Variants in CTNND2 observed in about 807,000 individuals in gnomAD.
The protein encoded by CTNND2 is catenin delta-2.
A neutral mutation model predicts 144.4 loss-of-function variants in CTNND2; 22 were observed. The ratio of observed to expected loss-of-function variants is 0.15; its 90% CI spans 0.11 to 0.22. The LOEUF is 0.22. Among genes scored for constraint, CTNND2 ranks in the 10% least tolerant of loss-of-function variants. The pLI, the probability that CTNND2 is intolerant of heterozygous loss-of-function variation, is 1.00. For synonymous variants in CTNND2, 751 were observed against 695.6 expected, an observed-to-expected ratio of 1.08 and a Z score of -1.25; for missense variants, 1,353 against 1,618.8, an observed-to-expected ratio of 0.84 and a Z score of 2.82.
chr5:11,809,548 A>G (rs1792202933), intron 1 of CTNND2, among the ~76,000 whole-genome samples: 1 of 152,228 alleles, frequency 6.6e-6, no homozygotes, highest in Non-Finnish European at 1.5e-5. Context: ...GTGGAAATTC[A>G]TATGTCATTG....
At chr5:11,556,076 T>C (rs1040549140) in intron 3 of CTNND2, among the ~76,000 whole-genome samples, 2 of 152,120 alleles carry the variant, frequency 1.3e-5, no homozygotes, top group Non-Finnish European at 2.9e-5. Flanking sequence ...TCATGAGAAA[T>C]GGTTTTTTTC....
chr5:11,585,769 T>C (rs1380245858), intron 2 of CTNND2, among the ~76,000 whole-genome samples: 1 of 146,680 alleles, frequency 6.8e-6, no homozygotes, highest in Non-Finnish European at 1.5e-5. Context: ...AAGAACAGCG[T>C]CATTGACAAG....
intron 3 of CTNND2, among the ~76,000 whole-genome samples, chr5:11,510,626 C>T (rs1300405755): frequency 6.6e-6 from 1 of 152,136 alleles, no homozygotes; most frequent in Non-Finnish European, 1.5e-5. Context: ...AAAGCAAACA[C>T]ACTCAAATTT....
intron 11 of CTNND2, among the ~76,000 whole-genome samples, chr5:11,171,913 C>G (rs188386053): frequency 1.3e-5 from 2 of 152,040 alleles, no homozygotes; most frequent in Admixed American, 6.6e-5. Context: ...TCCTAAAGAC[C>G]GTGGGCCTAA....
chr5:11,089,707 T>C lies in CTNND2; in HGVS notation c.2638-6861A>G, dbSNP rs373422207. Among the ~76,000 whole-genome samples, 6 of 152,292 alleles carry C rather than the reference T, an allele frequency of 3.9e-5. No homozygotes were observed. In the South Asian group the frequency reaches 1.2e-3, roughly 32 times the overall value. On this transcript the variant is annotated intron_variant, in intron 15 of 21. Transcript: ENST00000304623. Reference sequence around the variant, plus strand: ...CTAACCACTTCCACAAAACGACTGCTAGGGTTTAAAATGGTTACACAGCTG... The same window carrying C: ...CTAACCACTTCCACAAAACGACTGCCAGGGTTTAAAATGGTTACACAGCTG...
rs61761581 is a variant in CTNND2 at position 11,822,101 on chromosome 5, G to T, written c.37+81716C>A. On this transcript the variant is annotated intron_variant, in intron 1 of 21. Transcript: ENST00000304623. Reference sequence around the variant, plus strand: ...TTATTTTTATTATATTAGGTAAATTGTAAAAACTATCAAATATAATGTCAA... The same window carrying T: ...TTATTTTTATTATATTAGGTAAATTTTAAAAACTATCAAATATAATGTCAA... Among the ~76,000 whole-genome samples the T allele has an allele frequency of 2.6e-4, 40 of 152,164 alleles. No homozygotes were observed. In the East Asian group the frequency reaches 6.6e-3, roughly 25 times the overall value.
intron 1 of CTNND2, among the ~76,000 whole-genome samples, chr5:11,865,502 A>T (rs1795718772): frequency 6.6e-6 from 1 of 152,202 alleles, no homozygotes; most frequent in African/African-American, 2.4e-5. Flanking sequence ...TTAACTAAAT[A>T]AACTCTTGAT....
At chr5:11,553,545 C>T (rs1775958184) in intron 3 of CTNND2, among the ~76,000 whole-genome samples, 3 of 152,014 alleles carry the variant, frequency 2.0e-5, no homozygotes. Flanking sequence ...GAGCATTATC[C>T]CCATTTTTAT....
intron 3 of CTNND2, among the ~76,000 whole-genome samples, chr5:11,552,393 G>T (rs1026126976): frequency 3.9e-5 from 6 of 151,906 alleles, no homozygotes; most frequent in Admixed American, 3.9e-4. Context: ...TGACCTAACA[G>T]GAGATTTCTA....
chr5:11,802,386 G>A (rs1189134105), intron 1 of CTNND2, among the ~76,000 whole-genome samples: 1 of 151,882 alleles, frequency 6.6e-6, no homozygotes, highest in African/African-American at 2.4e-5. Flanking sequence ...TGACCAACAG[G>A]GAGAAACCCC....
intron 17 of CTNND2, among the ~76,000 whole-genome samples, chr5:11,020,791 G>C (rs1309890403): frequency 6.6e-6 from 1 of 151,112 alleles, no homozygotes; most frequent in Admixed American, 6.6e-5. Flanking sequence ...CTAAGCAGGA[G>C]AACTGTAACC....
At chr5:11,211,998 A>G (rs1179901875) in intron 10 of CTNND2, among the ~76,000 whole-genome samples, 1 of 152,222 alleles carries the variant, frequency 6.6e-6, no homozygotes, top group Non-Finnish European at 1.5e-5. Flanking sequence ...TAAAAATTGT[A>G]TAGAATATAA....
intron 2 of CTNND2, among the ~76,000 whole-genome samples, chr5:11,578,191 G>A (rs1778110418): frequency 6.6e-6 from 1 of 152,166 alleles, no homozygotes; most frequent in South Asian, 2.1e-4. Context: ...TGAGGGGACT[G>A]AGGTTACCAT....
intron 2 of CTNND2, among the ~76,000 whole-genome samples, chr5:11,573,411 T>G (rs1035671981): frequency 1.3e-5 from 2 of 152,102 alleles, no homozygotes; most frequent in African/African-American, 4.8e-5. Context: ...ATGAGTTGAC[T>G]CTACAGCCAC....
chr5:11,403,006 T>C (rs1220739030), intron 5 of CTNND2, among the ~76,000 whole-genome samples: 2 of 152,236 alleles, frequency 1.3e-5, no homozygotes, highest in African/African-American at 4.8e-5. Context: ...ATGTTTGCAC[T>C]ACACAGTAAG....
chr5:11,682,117 T>C (rs1247096693), intron 2 of CTNND2, among the ~76,000 whole-genome samples: 4 of 152,246 alleles, frequency 2.6e-5, no homozygotes, highest in Non-Finnish European at 5.9e-5. Flanking sequence ...TGCAGAGTCA[T>C]AGAGCATTTG....
At chr5:11,186,983 C>T (rs32278) in intron 11 of CTNND2, among the ~76,000 whole-genome samples, 2 of 151,988 alleles carry the variant, frequency 1.3e-5, no homozygotes, top group South Asian at 2.1e-4. Flanking sequence ...TGTGGGTGTT[C>T]GTAAATGTAT....
intron 3 of CTNND2, among the ~76,000 whole-genome samples, chr5:11,546,504 A>C (rs988346880): frequency 7.2e-5 from 11 of 152,204 alleles, no homozygotes; most frequent in African/African-American, 2.7e-4. Flanking sequence ...ACAAATTACT[A>C]GAGGTAATTA....
rs147939463 is a variant in CTNND2 at position 11,539,851 on chromosome 5, T to C, written c.287+25093A>G. Among the ~76,000 whole-genome samples the C allele has an allele frequency of 2.2e-3, 330 of 152,236 alleles. 9 individuals are homozygous for C. The East Asian group carries it at 0.048, about 22-fold the overall frequency. ...GAGTTCAAGACCAGCCTGGCCAACATGGCAAAACCCCGTCTCTGCTAAATA... is the reference window on the plus strand; with the variant it reads ...GAGTTCAAGACCAGCCTGGCCAACACGGCAAAACCCCGTCTCTGCTAAATA... On this transcript the variant is annotated intron_variant, in intron 3 of 21. Coordinates refer to ENST00000304623, the MANE Select transcript of CTNND2 (RefSeq NM_001332.4).
Sources: allele counts gnomAD v4.1 joint callset (sites outside exome capture counted in the v4.1 genomes callset), GRCh38; gene constraint gnomAD v4.1.1; transcripts MANE v1.5; gene names NCBI Gene and HGNC (gene_info 2026-07-23, HGNC 2026-07-21).